TRPM6: variants seen among roughly 807,000 people sequenced by gnomAD.
TRPM6 encodes channel kinase 2.
TRPM6 carries 111 observed loss-of-function variants against 247.6 expected under a neutral mutation model. The ratio of observed to expected loss-of-function variants is 0.45; its 90% CI spans 0.38 to 0.52. TRPM6 has a LOEUF of 0.52. Among genes scored for constraint, TRPM6 ranks in the 20% least tolerant of loss-of-function variants. The pLI is 0.00. For missense variants in TRPM6, 2,126 were observed against 2,421.5 expected (o/e 0.88, Z 2.56); for synonymous variants, 892 against 853.8 (o/e 1.04, Z -0.78).
chr9:74,821,567 T>C, intron 8 of TRPM6, 102 bp downstream of exon 8: 3 of 1,372,988 alleles, frequency 2.2e-6, no homozygotes, highest in Non-Finnish European at 3.1e-6. Flanking sequence ...TCAACTTCTA[T>C]AATCCAAGAA....
intron 3 of TRPM6, among the ~76,000 whole-genome samples, chr9:74,849,282 C>T (rs1050928930): frequency 5.6e-5 from 8 of 142,564 alleles, no homozygotes; most frequent in Non-Finnish European, 9.0e-5. Context: ...ACCCAGGAGG[C>T]GGAGGTTGCA....
chr9:74,841,282 A>G (rs1322274263), intron 4 of TRPM6, among the ~76,000 whole-genome samples: 1 of 152,244 alleles, frequency 6.6e-6, no homozygotes, highest in South Asian at 2.1e-4. Flanking sequence ...CAGCAAATGC[A>G]GATCACTCAA....
chr9:74,862,015 T>C (rs1830702696), intron 1 of TRPM6, among the ~76,000 whole-genome samples: 1 of 144,422 alleles, frequency 6.9e-6, no homozygotes, highest in African/African-American at 2.6e-5. Flanking sequence ...CCTCCAAAGG[T>C]GTAAACAGGA....
chr9:74,851,791 A>G (rs895469381), intron 3 of TRPM6, among the ~76,000 whole-genome samples: 1 of 147,260 alleles, frequency 6.8e-6, no homozygotes, highest in Admixed American at 6.8e-5. Flanking sequence ...ATATATATAT[A>G]ATATATATAT....
In TRPM6 at chr9:74,723,804, AAAAATATATATATATATATAT is replaced by A. The variant is rs1250616976; in HGVS notation, c.*788_*808del. The stretch of plus-strand genomic sequence containing the variant: ...AAGAGTGAAACTCCATCTCAAAAAT[AAAAATATATATATATATATAT>A]AAAATATATATATTCCATATGTATT... On this transcript the variant is annotated 3_prime_UTR_variant, in exon 39 of 39. Coordinates refer to ENST00000360774, the MANE Select transcript of TRPM6 (RefSeq NM_017662.5). 3 of 28,020 alleles carry A rather than the reference AAAAATATATATATATATATAT, an allele frequency of 1.1e-4. No homozygotes were observed. Among genetic ancestry groups the A allele is most frequent in the Non-Finnish European group, 2.0e-4 (3 of 15,052 alleles). The allele number at this position is 28,020 out of a possible 1,614,324, so 1.7% of individuals were successfully genotyped here.
intron 38 of TRPM6, among the ~76,000 whole-genome samples, chr9:74,726,008 T>C (rs755285579): frequency 2.6e-5 from 4 of 152,128 alleles, no homozygotes; most frequent in Non-Finnish European, 5.9e-5. Flanking sequence ...TATCCTAAAC[T>C]GCCTCTCATA....
chr9:74,825,617 A>G (rs1269203222), intron 7 of TRPM6, among the ~76,000 whole-genome samples: 2 of 152,112 alleles, frequency 1.3e-5, no homozygotes, highest in Non-Finnish European at 2.9e-5. Flanking sequence ...CTAGGTTTCA[A>G]GGTCTTTGAA....
At chr9:74,759,556 T>A (rs1454131776) in intron 27 of TRPM6, among the ~76,000 whole-genome samples, 1 of 152,078 alleles carries the variant, frequency 6.6e-6, no homozygotes, top group African/African-American at 2.4e-5. Flanking sequence ...AAAATTTTGA[T>A]ATTCATATTC....
rs1156701737 is a variant in TRPM6, at chr9:74,723,863, T to G, written c.*750A>C. ...TTCCATATGTATTTTATATATATAA[T>G]ATATATATTCCATATATATTATATA... On this transcript the variant is annotated 3_prime_UTR_variant, in exon 39 of 39. Coordinates refer to ENST00000360774, the MANE Select transcript of TRPM6 (RefSeq NM_017662.5). The G allele has an allele frequency of 6.9e-6, 1 of 145,430 alleles. No homozygotes were observed. The highest frequency in any genetic ancestry group is 1.5e-5 in the Non-Finnish European group (1 of 66,108). 9.0% of individuals were successfully genotyped at this position (145,430 alleles called of 1,614,324 possible).
Position 74,803,872 on chromosome 9 carries a change from G to A in TRPM6, c.1653C>T (p.Ser551=), listed in dbSNP as rs1828433235. Residue 551 remains serine (S), a synonymous_variant, in exon 15 of 39, where the codon TCC becomes TCT. Coordinates refer to ENST00000360774, the MANE Select transcript of TRPM6 (RefSeq NM_017662.5). ...CTGCAGACTCATTTCTATTTCCTGA[G>A]GAGTGTCTCTGGTGCTGGGAAAGGT... ...LYRKYKHQRH[S]SGNRNESAES... is the part of the protein sequence containing the mutation. 1.2e-6 allele frequency: 2 copies of A among 1,612,368 alleles called. No individual in the cohort carries two copies. The highest frequency in any genetic ancestry group is 1.7e-6 in the Non-Finnish European group (2 of 1,178,580).
intron 18 of TRPM6, among the ~76,000 whole-genome samples, chr9:74,793,725 A>T (rs1311136573): frequency 6.6e-6 from 1 of 152,174 alleles, no homozygotes; most frequent in Non-Finnish European, 1.5e-5. Flanking sequence ...TTTATAGCAG[A>T]GGGTCTGTTT....
At chr9:74,767,980 T>C (rs1431052057) in intron 25 of TRPM6, among the ~76,000 whole-genome samples, 1 of 152,176 alleles carries the variant, frequency 6.6e-6, no homozygotes, top group Admixed American at 6.5e-5. Context: ...AACCAAATTC[T>C]AAATCTCTTG....
At chr9:74,883,373 A>C (rs936938593) in intron 1 of TRPM6, among the ~76,000 whole-genome samples, 1 of 152,190 alleles carries the variant, frequency 6.6e-6, no homozygotes, top group African/African-American at 2.4e-5. Flanking sequence ...ATGTGATTGT[A>C]TATTTGCACT....
intron 13 of TRPM6, 92 bp from the exon 14 acceptor site, chr9:74,808,266 A>G: frequency 2.0e-6 from 3 of 1,511,484 alleles, no homozygotes; most frequent in Non-Finnish European, 2.8e-6. Context: ...ATTAATTGCA[A>G]GAAGGTAGAC....
chr9:74,812,446 C>G lies in TRPM6; in HGVS notation c.1309-13G>C, dbSNP rs370901843. The G allele has an allele frequency of 3.8e-5, 61 of 1,607,380 alleles. No homozygotes were observed. The highest frequency in any genetic ancestry group is 5.1e-5 in the Non-Finnish European group (60 of 1,177,518). ...CCAGGGCATCAGGCTTCAGAAAGCA[C>G]AAATAAGAAATATAAAGACAATTAA... On this transcript the variant is annotated splice_polypyrimidine_tract_variant and intron_variant, in intron 11 of 38. Coordinates refer to ENST00000360774, the MANE Select transcript of TRPM6 (RefSeq NM_017662.5).
At chr9:74,884,569 T>G (rs1831472705) in intron 1 of TRPM6, among the ~76,000 whole-genome samples, 1 of 151,942 alleles carries the variant, frequency 6.6e-6, no homozygotes, top group Non-Finnish European at 1.5e-5. Context: ...ATCTAAATAA[T>G]ATGCTCCAAA....
Position 74,840,068 on chromosome 9 carries a change from G to T in TRPM6, c.500C>A (p.Ala167Glu). The change falls in exon 5 of 39, where the codon GCA becomes GAA. Residue 167 changes from alanine (A) to glutamate (E), a missense_variant. Ala to Glu is a moderately radical substitution (Grantham distance 107, BLOSUM62 -1). Around this residue, in one of 3 missense-constraint regions of TRPM6, gnomAD observed 1,082 missense variants for 1,307.9 expected, o/e 0.83. Transcript: ENST00000360774. ...TATTATCCACGCTCCTGTTGTCTCT[G>T]CAGCTTTAACCAAACCTTGGCTGAA... Reference protein sequence around the residue: ...EIFSQGLVKAAETTGAWIITE... With the variant: ...EIFSQGLVKAEETTGAWIITE... 6.2e-7 allele frequency: 1 copy of T among 1,614,136 alleles called. No homozygotes were observed. The highest frequency in any genetic ancestry group is 8.5e-7 in the Non-Finnish European group (1 of 1,180,016).
At chr9:74,761,871 A>G in intron 26 of TRPM6, 63 bp from the exon 27 acceptor site, 1 of 1,521,416 alleles carries the variant, frequency 6.6e-7, no homozygotes, top group Non-Finnish European at 9.1e-7. Flanking sequence ...TTTGTTTTAC[A>G]GAAAAAGCTG....
intron 27 of TRPM6, 39 bp downstream of exon 27, chr9:74,761,657 C>T: frequency 7.6e-7 from 1 of 1,309,062 alleles, no homozygotes; most frequent in South Asian, 1.2e-5. Context: ...ACTACCTTGA[C>T]TGCTCAAAAC....
Sources: allele counts gnomAD v4.1 joint callset (sites outside exome capture counted in the v4.1 genomes callset), GRCh38; gene constraint gnomAD v4.1.1; regional missense constraint gnomAD v4.1.1; transcripts MANE v1.5; gene names NCBI Gene and HGNC (gene_info 2026-07-23, HGNC 2026-07-21).